The following NEBL variants were observed in gnomAD, a reference collection of about 807,000 sequenced individuals.
NEBL encodes nebulette, also known as LIM and SH3 protein 2.
Under a neutral mutation model 140.2 loss-of-function variants are expected in NEBL, and 122 were observed. The observed-to-expected ratio is 0.87, with a 90% CI of 0.75 to 1.01. The LOEUF (loss-of-function observed/expected upper bound fraction) is 1.01, where lower values mean the gene tolerates loss of function less well. Among genes scored for constraint, NEBL ranks in the 50% least tolerant of loss-of-function variants. The pLI, the probability that NEBL is intolerant of heterozygous loss-of-function variation, is 0.00. For synonymous variants in NEBL, 436 were observed against 398.9 expected (o/e 1.09, Z -1.11); for missense variants, 1,365 against 1,231.3 (o/e 1.11, Z -1.62).
intron 3 of NEBL, among the ~76,000 whole-genome samples, chr10:21,227,211 C>T (rs1842163856): frequency 6.6e-6 from 1 of 152,000 alleles, no homozygotes; most frequent in Non-Finnish European, 1.5e-5. Flanking sequence ...TTGCATCTTC[C>T]TTTGCCCAGG....
intron 21 of NEBL, among the ~76,000 whole-genome samples, chr10:20,816,694 G>A (rs535457966): frequency 1.4e-4 from 22 of 152,282 alleles, no homozygotes; most frequent in African/African-American, 5.3e-4. Context: ...CAATCTATAT[G>A]TTAATGACTG....
chr10:21,102,130 A>C (rs1294807976), intron 2 of NEBL, among the ~76,000 whole-genome samples: 13 of 152,228 alleles, frequency 8.5e-5, no homozygotes. Flanking sequence ...CATCTGCTCT[A>C]AATGTCCAGA....
At chr10:21,110,407 A>G (rs1837940749) in intron 2 of NEBL, among the ~76,000 whole-genome samples, 3 of 152,166 alleles carry the variant, frequency 2.0e-5, no homozygotes, top group Non-Finnish European at 2.9e-5. Context: ...TCTTTCATGT[A>G]GAAGTTATCA....
chr10:21,075,524 AGGTGACAGG>A (rs1320161621), intron 2 of NEBL, among the ~76,000 whole-genome samples: 2 of 152,188 alleles, frequency 1.3e-5, no homozygotes, highest in African/African-American at 4.8e-5. Flanking sequence ...TGCCACAGTG[AGGTGACAGG>A]GGTTGCTTTG....
chr10:20,902,842 A>G (rs1025505673), intron 4 of NEBL, among the ~76,000 whole-genome samples: 1 of 151,620 alleles, frequency 6.6e-6, no homozygotes, highest in East Asian at 1.9e-4. Flanking sequence ...AAACAGCTTG[A>G]CTCCCACAGA....
intron 3 of NEBL, among the ~76,000 whole-genome samples, chr10:20,999,815 A>G (rs1837815924): frequency 1.3e-5 from 2 of 152,072 alleles, no homozygotes; most frequent in Non-Finnish European, 2.9e-5. Context: ...CATAAACATG[A>G]ACGCTGCTCC....
chr10:21,185,726 A>G (rs543423133), intron 3 of NEBL, among the ~76,000 whole-genome samples: 2 of 151,702 alleles, frequency 1.3e-5, no homozygotes, highest in Non-Finnish European at 2.9e-5. Context: ...CGAACTCCTG[A>G]CCTCAGTTGA....
chr10:21,042,890 A>G (rs1167783650), intron 2 of NEBL, among the ~76,000 whole-genome samples: 1 of 152,236 alleles, frequency 6.6e-6, no homozygotes, highest in Admixed American at 6.5e-5. Flanking sequence ...AAAGAATTAA[A>G]CCACATGAAA....
intron 2 of NEBL, among the ~76,000 whole-genome samples, chr10:20,895,344 G>T (rs543390976): frequency 6.6e-6 from 1 of 152,260 alleles, no homozygotes; most frequent in East Asian, 1.9e-4. Flanking sequence ...ATAAGGCGAA[G>T]AACAACATTT....
chr10:20,821,665 A>G (rs1839328920), intron 19 of NEBL, among the ~76,000 whole-genome samples: 1 of 152,222 alleles, frequency 6.6e-6, no homozygotes, highest in African/African-American at 2.4e-5. Context: ...CACGAAGTCA[A>G]CTGCTCTTAA....
chr10:21,240,172 T>C (rs1415385762), intron 3 of NEBL, among the ~76,000 whole-genome samples: 1 of 152,190 alleles, frequency 6.6e-6, no homozygotes, highest in Admixed American at 6.5e-5. Context: ...TCAAACCAGC[T>C]AAGTTACCGA....
At chr10:21,168,947 G>A (rs760902985) in intron 2 of NEBL, among the ~76,000 whole-genome samples, 42 of 149,426 alleles carry the variant, frequency 2.8e-4, no homozygotes, top group Middle Eastern at 3.5e-3. Flanking sequence ...TACTCGGGAG[G>A]CTGAGGCAGC....
At chr10:21,147,339 G>A (rs1438868406) in intron 2 of NEBL, among the ~76,000 whole-genome samples, 1 of 151,098 alleles carries the variant, frequency 6.6e-6, no homozygotes, top group Non-Finnish European at 1.5e-5. Flanking sequence ...AGCAGAGAAA[G>A]TCCCTCTCCT....
chr10:20,881,708 C>A (rs1370166451), intron 4 of NEBL, among the ~76,000 whole-genome samples: 2 of 152,126 alleles, frequency 1.3e-5, no homozygotes, highest in Non-Finnish European at 2.9e-5. Flanking sequence ...TTCACTGAAT[C>A]CTCAGAACCC....
intron 26 of NEBL, among the ~76,000 whole-genome samples, chr10:20,803,378 T>C (rs1182176953): frequency 6.6e-6 from 1 of 152,190 alleles, no homozygotes; most frequent in Non-Finnish European, 1.5e-5. Context: ...TGCATATGTA[T>C]AATTATTATT....
chr10:21,216,170 A>G (rs1267327590), intron 3 of NEBL, among the ~76,000 whole-genome samples: 2 of 152,158 alleles, frequency 1.3e-5, no homozygotes, highest in Non-Finnish European at 2.9e-5. Context: ...CGAGTTGTCT[A>G]CAGAGTGACT....
intron 3 of NEBL, among the ~76,000 whole-genome samples, chr10:20,979,866 T>C (rs900514001): frequency 1.7e-4 from 26 of 151,960 alleles, no homozygotes; most frequent in Non-Finnish European, 1.5e-5. Flanking sequence ...GCCACCATGG[T>C]CATCTAATTT....
chr10:21,139,987 C>CA (rs11289396), intron 2 of NEBL, among the ~76,000 whole-genome samples: 9,887 of 99,598 alleles, frequency 0.099, 885 homozygotes, highest in East Asian at 0.45. Context: ...CCTGTCTCAA[C>CA]AAAAAAAAAA....
At chr10:21,187,857 G>A (rs758433783) in intron 3 of NEBL, among the ~76,000 whole-genome samples, 17 of 152,052 alleles carry the variant, frequency 1.1e-4, no homozygotes, top group Non-Finnish European at 2.5e-4. Context: ...ATTTCACAAT[G>A]GTTCCTTTTT....
Sources: gnomAD v4.1 joint callset for allele counts (sites outside exome capture counted in the v4.1 genomes callset) on GRCh38, gnomAD v4.1.1 for gene constraint, MANE v1.5 for transcripts, NCBI Gene and HGNC (gene_info 2026-07-23, HGNC 2026-07-21) for gene names.